MARF1: variants seen among roughly 807,000 people sequenced by gnomAD.
The protein encoded by MARF1 is limkain-b1.
Under a neutral mutation model 168.2 loss-of-function variants are expected in MARF1, and 24 were observed. The observed-to-expected ratio is 0.14, with a 90% CI of 0.10 to 0.20. The LOEUF is 0.20. MARF1 is among the 10% of genes least tolerant of loss of function. The probability of loss-of-function intolerance (pLI) is 1.00; values close to 1 mark genes in which losing one functional copy is unlikely to be tolerated. For synonymous variants in MARF1, 868 were observed against 822.4 expected (o/e 1.06, Z -0.95); for missense variants, 1,744 against 2,143.6 (o/e 0.81, Z 3.68).
chr16:15,616,088 G>T, intron 15 of MARF1, 83 bp from the exon 16 acceptor site: 1 of 1,158,336 alleles, frequency 8.6e-7, no homozygotes, highest in South Asian at 2.1e-5. Flanking sequence ...AGAAGGCTTT[G>T]GTTTAATGTA....
In MARF1 at chr16:15,596,615, G is replaced by T; in HGVS notation, c.*78C>A. The T allele has an allele frequency of 1.4e-6, 2 of 1,405,802 alleles. No homozygotes were observed. The highest frequency in any genetic ancestry group is 1.6e-5 in the South Asian group (1 of 62,346). 87.1% of individuals were successfully genotyped at this position (1,405,802 alleles called of 1,614,324 possible). On this transcript the variant is annotated 3_prime_UTR_variant, in exon 27 of 27. Transcript: ENST00000396368. ...GGGGGGTTTTCATGACACAGAAAAG[G>T]ATGTATTTTTGAAACCCACTTTTGT...
chr16:15,599,131 G>A (rs765168222), intron 25 of MARF1, 107 bp from the exon 26 acceptor site: 41 of 589,914 alleles, frequency 7.0e-5, no homozygotes, highest in Non-Finnish European at 1.1e-4. Context: ...AAAGATAAGA[G>A]AGTCAAGAAG....
At chr16:15,627,595 G>A (rs1341422083) in intron 7 of MARF1, among the ~76,000 whole-genome samples, 1 of 152,136 alleles carries the variant, frequency 6.6e-6, no homozygotes, top group Non-Finnish European at 1.5e-5. Flanking sequence ...TCTAGCCTGG[G>A]TGACAGAGTC....
At position 15,631,451 on chromosome 16, in the gene MARF1, A is replaced by C; in HGVS notation, c.1281T>G (p.Asp427Glu). ...INATAKNAADDKLRQSLRRFA... is the reference protein window; with the variant it reads ...INATAKNAADEKLRQSLRRFA... ...ATCTGCGGAGACTCTGCCGCAGTTTATCATCAGCGGCATTCTTTGCAGTAG... is the reference window on the plus strand; with the variant it reads ...ATCTGCGGAGACTCTGCCGCAGTTTCTCATCAGCGGCATTCTTTGCAGTAG... Residue 427 changes from aspartate to glutamate, a missense_variant, in exon 6 of 27, where the codon GAT (aspartate) becomes GAG (glutamate). Physicochemically the swap from Asp to Glu is conservative, Grantham distance 45. Transcript: ENST00000396368. 1 of 1,613,462 alleles carries C rather than the reference A, an allele frequency of 6.2e-7. No homozygotes were observed. The highest frequency in any genetic ancestry group is 8.5e-7 in the Non-Finnish European group (1 of 1,179,480).
At position 15,637,183 on chromosome 16, in the gene MARF1, T is replaced by C. The variant is rs113273676; in HGVS notation, c.145-841A>G. On this transcript the variant is annotated intron_variant, in intron 2 of 26. Coordinates refer to ENST00000396368, the MANE Select transcript of MARF1 (RefSeq NM_014647.4). ...TAAACTGGGAATACAATATACCTCC[T>C]AGAGTTGCTAGGAGGATAAAATAAG... 6.7e-3 allele frequency among the ~76,000 whole-genome samples: 1,018 copies of C among 152,188 alleles called. 7 individuals are homozygous for C. The highest frequency in any genetic ancestry group is 9.5e-3 in the Non-Finnish European group (644 of 67,948).
At chr16:15,602,978 A>G (rs1305366945) in intron 22 of MARF1, among the ~76,000 whole-genome samples, 2 of 152,254 alleles carry the variant, frequency 1.3e-5, no homozygotes, top group African/African-American at 4.8e-5. Flanking sequence ...TTTACCACAA[A>G]CCTTTTCAAA....
At chr16:15,621,543 C>A in intron 12 of MARF1, 190 bp downstream of exon 12, 1 of 594,630 alleles carries the variant, frequency 1.7e-6, no homozygotes, top group Non-Finnish European at 2.9e-6. Context: ...AGCTGTATTC[C>A]AGCTTTGATT....
chr16:15,605,476 G>C (rs2032929045), intron 21 of MARF1, among the ~76,000 whole-genome samples: 1 of 152,100 alleles, frequency 6.6e-6, no homozygotes, highest in Admixed American at 6.5e-5. Context: ...GGACTGTATA[G>C]ATTTCCTCCT....
intron 12 of MARF1, among the ~76,000 whole-genome samples, chr16:15,620,917 A>C (rs1227245947): frequency 6.6e-6 from 1 of 152,206 alleles, no homozygotes; most frequent in Non-Finnish European, 1.5e-5. Context: ...GTTTTAAAAA[A>C]CCAGAGGCAC....
chr16:15,639,329 G>A, intron 1 of MARF1, 38 bp from the exon 2 acceptor site: 1 of 1,373,434 alleles, frequency 7.3e-7, no homozygotes, highest in Non-Finnish European at 1.0e-6. Context: ...TTATTTCCTT[G>A]CATAAGTACA....
Position 15,607,876 on chromosome 16 carries a change from A to G in MARF1, c.4182+415T>C, listed in dbSNP as rs2033148837. The stretch of plus-strand genomic sequence containing the variant: ...CTCGCTTGCTCCTAAGCCTACTCCT[A>G]AGTGGGTGAGAATGTGGAGGGAGAG... On this transcript the variant is annotated intron_variant, in intron 21 of 26. Coordinates refer to ENST00000396368, the MANE Select transcript of MARF1 (RefSeq NM_014647.4). Among the ~76,000 whole-genome samples, 3 of 152,158 alleles carry G rather than the reference A, an allele frequency of 2.0e-5. No individual in the cohort carries two copies. In the South Asian group the frequency reaches 6.2e-4, roughly 32 times the overall value.
At chr16:15,609,047 T>C (rs574836453) in intron 20 of MARF1, among the ~76,000 whole-genome samples, 20 of 152,324 alleles carry the variant, frequency 1.3e-4, no homozygotes, top group African/African-American at 4.6e-4. Flanking sequence ...AAGACCAGCC[T>C]GGCCAACGTG....
At chr16:15,615,419 A>G (rs574400384) in intron 16 of MARF1, among the ~76,000 whole-genome samples, 6 of 152,176 alleles carry the variant, frequency 3.9e-5, no homozygotes. Context: ...AGGTCAAGAG[A>G]TCAAGACCAT....
Position 15,596,665 on chromosome 16 carries a change from C to A in MARF1, c.*28G>T, listed in dbSNP as rs1389919488. 1 of 1,541,294 alleles carries A rather than the reference C, an allele frequency of 6.5e-7. No individual in the cohort carries two copies. Among genetic ancestry groups the A allele is most frequent in the South Asian group, 1.2e-5 (1 of 80,470 alleles). On this transcript the variant is annotated 3_prime_UTR_variant, in exon 27 of 27. Transcript: ENST00000396368. ...TGTGCAGAATCAGACAGTGTTTTCC[C>A]ATCCTAATTCTATATTCCAAATGGG...
Position 15,615,911 on chromosome 16 carries a change from G to A in MARF1, c.3172C>T (p.Pro1058Ser), listed in dbSNP as rs760334937. 10 of 1,603,658 alleles carry A rather than the reference G, an allele frequency of 6.2e-6. No individual in the cohort carries two copies. Among genetic ancestry groups the A allele is most frequent in the South Asian group, 1.1e-5 (1 of 89,686 alleles). The change falls in exon 16 of 27, where the codon CCA becomes TCA. Residue 1058 changes from proline to serine, a missense_variant. Pro to Ser is a moderately conservative substitution (Grantham distance 74). Transcript: ENST00000396368. ...TGAGCAGTGGCAATGTTTACACCTG[G>A]AACACAGGTAATGAAGTGTTCTAAG... ...VPLEHFITCV[P>S]GVNIATAQNG...
At chr16:15,628,297 T>A (rs1048526276) in intron 7 of MARF1, among the ~76,000 whole-genome samples, 3 of 152,224 alleles carry the variant, frequency 2.0e-5, no homozygotes, top group Non-Finnish European at 2.9e-5. Flanking sequence ...TACCAAAATA[T>A]TAACAGTGGT....
intron 4 of MARF1, among the ~76,000 whole-genome samples, chr16:15,634,306 T>C (rs1436444993): frequency 6.6e-6 from 1 of 152,212 alleles, no homozygotes; most frequent in Non-Finnish European, 1.5e-5. Flanking sequence ...TGCATTAACA[T>C]CTGATTTAAT....
At chr16:15,624,504 C>G (rs1189799162) in intron 10 of MARF1, among the ~76,000 whole-genome samples, 3 of 152,178 alleles carry the variant, frequency 2.0e-5, no homozygotes, top group African/African-American at 4.8e-5. Context: ...TACATGCCCC[C>G]CTGCACTGGC....
chr16:15,620,071 A>G (rs2034344111), intron 13 of MARF1, among the ~76,000 whole-genome samples: 1 of 152,196 alleles, frequency 6.6e-6, no homozygotes. Flanking sequence ...AGGCTGAGGC[A>G]TGAGAATCAC....
Sources: gnomAD v4.1 joint callset for allele counts (sites outside exome capture counted in the v4.1 genomes callset) on GRCh38, gnomAD v4.1.1 for gene constraint, MANE v1.5 for transcripts, NCBI Gene and HGNC (gene_info 2026-07-23, HGNC 2026-07-21) for gene names.